Variants in MMS19 observed in about 807,000 individuals in gnomAD.
The protein encoded by MMS19 is MMS19 cytosolic iron-sulfur assembly component.
A neutral mutation model predicts 129.8 loss-of-function variants in MMS19; 77 were observed. The ratio of observed to expected loss-of-function variants is 0.59; its 90% CI spans 0.49 to 0.72. The LOEUF is 0.72. MMS19 is among the 30% of genes least tolerant of loss of function. The probability of loss-of-function intolerance (pLI) is 0.00; values close to 1 mark genes in which losing one functional copy is unlikely to be tolerated. For synonymous variants in MMS19, 491 were observed against 502.8 expected, an observed-to-expected ratio of 0.98 and a Z score of 0.31; for missense variants, 1,168 against 1,266.3, an observed-to-expected ratio of 0.92 and a Z score of 1.18.
chr10:97,459,130 C>A, intron 29 of MMS19, 93 bp downstream of exon 29: 1 of 1,239,138 alleles, frequency 8.1e-7, no homozygotes. Flanking sequence ...AATTACACAC[C>A]AGGGTGGCCA....
chr10:97,480,558 C>G (rs1316359371), intron 3 of MMS19, among the ~76,000 whole-genome samples: 5 of 152,012 alleles, frequency 3.3e-5, no homozygotes, highest in Non-Finnish European at 7.4e-5. Flanking sequence ...ACTGAAAAAA[C>G]AGTCTAAGGC....
At position 97,458,822 on chromosome 10, in the gene MMS19, C is replaced by T; in HGVS notation, c.3043G>A (p.Ala1015Thr). ...DDKKRLVRKE[A>T]VSARGEWFLL... is the part of the protein sequence containing the mutation. ...CACCACTCCCCTCTGGCTGACACTG[C>T]TTCCTTGCGCACCAGTCTCTTCTTG... The change falls in exon 30 of 31, where the codon GCA becomes ACA. Residue 1015 changes from alanine (A) to threonine (T), a missense_variant. Physicochemically the swap from Ala to Thr is moderately conservative, Grantham distance 58. Transcript: ENST00000438925. The T allele has an allele frequency of 6.2e-7, 1 of 1,614,032 alleles. No individual in the cohort carries two copies. Among genetic ancestry groups the T allele is most frequent in the South Asian group, 1.1e-5 (1 of 91,080 alleles).
intron 4 of MMS19, 51 bp downstream of exon 4, chr10:97,478,253 G>A: frequency 6.9e-7 from 1 of 1,444,556 alleles, no homozygotes; most frequent in Non-Finnish European, 9.5e-7. Flanking sequence ...GAGAGAACTA[G>A]ACAAGGGCTC....
chr10:97,487,322 T>TC (rs1165453752), intron 1 of MMS19, among the ~76,000 whole-genome samples: 1 of 78,072 alleles, frequency 1.3e-5, no homozygotes, highest in African/African-American at 4.1e-5. Flanking sequence ...AAATTTCTTT[T>TC]TTTTTTTTTT....
intron 3 of MMS19, among the ~76,000 whole-genome samples, chr10:97,478,992 T>C (rs1451525821): frequency 6.6e-6 from 1 of 152,094 alleles, no homozygotes; most frequent in African/African-American, 2.4e-5. Flanking sequence ...GGTGGGACGA[T>C]CATTTAAGCC....
At chr10:97,485,464 C>T (rs1019241104) in intron 1 of MMS19, among the ~76,000 whole-genome samples, 1 of 152,218 alleles carries the variant, frequency 6.6e-6, no homozygotes, top group Non-Finnish European at 1.5e-5. Flanking sequence ...AGGTGCCCAC[C>T]ACCACGCCTG....
At chr10:97,486,894 T>TATATATATATATATATATATATATATAA (rs1554852566) in intron 1 of MMS19, among the ~76,000 whole-genome samples, 1 of 135,560 alleles carries the variant, frequency 7.4e-6, no homozygotes, top group Non-Finnish European at 1.6e-5. Context: ...TATATATATA[T>TATATATATATATATATATATATATATAA]AAAATTAAGA....
Position 97,466,969 on chromosome 10 carries a change from T to C in MMS19, c.1298-68A>G. 3 of 1,589,384 alleles carry C rather than the reference T, an allele frequency of 1.9e-6. No homozygotes were observed. The South Asian group carries it at 3.3e-5, about 18-fold the overall frequency. On this transcript the variant is annotated intron_variant, in intron 14 of 30. Coordinates refer to ENST00000438925, the MANE Select transcript of MMS19 (RefSeq NM_022362.5). ...TTCCATATCCCTGACTAAGCTGTGA[T>C]ACACAGCCAACCTGGGGTAGATTTT...
chr10:97,491,062 G>A (rs1468140924), intron 1 of MMS19, among the ~76,000 whole-genome samples: 2 of 152,208 alleles, frequency 1.3e-5, no homozygotes, highest in East Asian at 1.9e-4. Context: ...CAACATTTGG[G>A]AAGGTAGAAA....
In MMS19 at chr10:97,470,808, G is replaced by A. The variant is rs370269016; in HGVS notation, c.738C>T (p.Arg246=). The A allele has an allele frequency of 2.3e-5, 37 of 1,613,592 alleles. No homozygotes were observed. Among genetic ancestry groups the A allele is most frequent in the African/African-American group, 6.7e-5 (5 of 74,876 alleles). The change falls in exon 9 of 31, where the codon CGC becomes CGT. Residue 246 remains arginine (R), a synonymous_variant. Coordinates refer to ENST00000438925, the MANE Select transcript of MMS19 (RefSeq NM_022362.5). ...ATCGTGGTGTAGAAGCCAGCACAGC[G>A]CGAAGACTCAGGATGAGGTCTTCTC... ...IQREDLILSL[R]AVLASTPRFA... is the part of the protein sequence containing the mutation.
rs779645322 is a variant in MMS19 at position 97,467,583 on chromosome 10, T to C, written c.1219A>G (p.Ser407Gly). Reference protein sequence around the residue: ...LLEQFHKHSQSSQRRTILEML... With the variant: ...LLEQFHKHSQGSQRRTILEML... Reference sequence around the variant, plus strand: ...TCAAGGATTGTCCGCCGCTGGCTGCTCTGTAACGTTTCAAGGGGTACTAGA... The same window carrying C: ...TCAAGGATTGTCCGCCGCTGGCTGCCCTGTAACGTTTCAAGGGGTACTAGA... Residue 407 changes from serine to glycine, a missense_variant and splice_region_variant, in exon 14 of 31, where the codon AGC (serine) becomes GGC (glycine). Physicochemically the swap from Ser to Gly is moderately conservative, Grantham distance 56. Transcript: ENST00000438925. 6.2e-7 allele frequency: 1 copy of C among 1,613,894 alleles called. No homozygotes were observed. Among genetic ancestry groups the C allele is most frequent in the Non-Finnish European group, 8.5e-7 (1 of 1,179,788 alleles).
At chr10:97,489,257 T>C (rs552103770) in intron 1 of MMS19, among the ~76,000 whole-genome samples, 1 of 152,208 alleles carries the variant, frequency 6.6e-6, no homozygotes, top group Non-Finnish European at 1.5e-5. Context: ...GTGCGTAGCA[T>C]TGTTTTTAAA....
intron 6 of MMS19, 105 bp downstream of exon 6, chr10:97,477,242 G>T: frequency 2.5e-6 from 4 of 1,585,152 alleles, no homozygotes; most frequent in Non-Finnish European, 3.4e-6. Flanking sequence ...TCTCTCTCAG[G>T]ATACCAGCTC....
rs2040197092 is a variant in MMS19 at position 97,498,331 on chromosome 10, G to A, written c.54C>T (p.Gly18=). 8.9e-6 allele frequency: 14 copies of A among 1,574,124 alleles called. No individual in the cohort carries two copies. The highest frequency in any genetic ancestry group is 1.8e-5 in the Admixed American group (1 of 56,048). ...EAAAPMGALW[G]LVHDFVVGQQ... is the part of the protein sequence containing the mutation. The stretch of plus-strand genomic sequence containing the variant: ...GACCCACGACGAAGTCGTGCACGAG[G>A]CCCCATAGGGCACCCATAGGCGCCG... Residue 18 remains glycine, a synonymous_variant, in exon 1 of 31, where the codon GGC becomes GGT. Transcript: ENST00000438925.
chr10:97,465,914 G>A lies in MMS19; in HGVS notation c.1647C>T (p.Cys549=). 1.2e-6 allele frequency: 2 copies of A among 1,614,012 alleles called. No individual in the cohort carries two copies. The highest frequency in any genetic ancestry group is 1.7e-6 in the Non-Finnish European group (2 of 1,179,890). ...NLTNGDEPTQ[C]SRHLCCLQAL... is the part of the protein sequence containing the mutation. Reference sequence around the variant, plus strand: ...CTTGCAGACAGCACAGATGCCGGGAGCATTGGGTGGGCTCATCTCCGTTAG... The same window carrying A: ...CTTGCAGACAGCACAGATGCCGGGAACATTGGGTGGGCTCATCTCCGTTAG... The change falls in exon 18 of 31, where the codon TGC becomes TGT. Residue 549 remains cysteine, a synonymous_variant. Transcript: ENST00000438925.
chr10:97,491,655 A>G (rs1032915715), intron 1 of MMS19, among the ~76,000 whole-genome samples: 1 of 151,860 alleles, frequency 6.6e-6, no homozygotes, highest in African/African-American at 2.4e-5. Context: ...CGTCTCAAAG[A>G]AAAAAAAAGA....
intron 6 of MMS19, 170 bp from the exon 7 acceptor site, chr10:97,477,133 A>G: frequency 1.3e-6 from 2 of 1,485,774 alleles, no homozygotes; most frequent in Middle Eastern, 2.4e-4. Flanking sequence ...CAATATACAC[A>G]TTGCTGTGGA....
intron 1 of MMS19, among the ~76,000 whole-genome samples, chr10:97,488,133 AC>A: frequency 6.6e-6 from 1 of 152,288 alleles, no homozygotes; most frequent in South Asian, 2.1e-4. Flanking sequence ...ATGGGCAAAA[AC>A]AAAAAAATGA....
intron 6 of MMS19, 135 bp from the exon 7 acceptor site, chr10:97,477,098 A>T: frequency 6.6e-7 from 1 of 1,522,270 alleles, no homozygotes; most frequent in African/African-American, 1.4e-5. Context: ...CATTCCAAGA[A>T]AGTACTCAGT....
Sources: gnomAD v4.1 joint callset for allele counts (sites outside exome capture counted in the v4.1 genomes callset) on GRCh38, gnomAD v4.1.1 for gene constraint, MANE v1.5 for transcripts, NCBI Gene and HGNC (gene_info 2026-07-23, HGNC 2026-07-21) for gene names.